The following PRSS12 variants were observed in gnomAD, a reference collection of about 807,000 sequenced individuals.
PRSS12 encodes the protein serine protease 12, also known as neurotrypsin.
A neutral mutation model predicts 104.4 loss-of-function variants in PRSS12; 85 were observed. That is an observed-to-expected ratio of 0.81 (90% CI 0.68 to 0.98). PRSS12 has a LOEUF of 0.98. Among genes scored for constraint, PRSS12 ranks in the 50% least tolerant of loss-of-function variants. The pLI is 0.00. For synonymous variants in PRSS12, 454 were observed against 425.2 expected (o/e 1.07, Z -0.83); for missense variants, 1,141 against 1,139.2 (o/e 1.00, Z -0.02).
chr4:118,346,420 C>G (rs965934774), intron 1 of PRSS12, among the ~76,000 whole-genome samples: 1 of 150,340 alleles, frequency 6.7e-6, no homozygotes, highest in Non-Finnish European at 1.5e-5. Context: ...ATTTCATACC[C>G]TTCTTTCCCC....
At chr4:118,311,674 G>C (rs533365526) in intron 7 of PRSS12, among the ~76,000 whole-genome samples, 1 of 152,118 alleles carries the variant, frequency 6.6e-6, no homozygotes, top group African/African-American at 2.4e-5. Context: ...TAGAACCAAA[G>C]AGATTCATAA....
At chr4:118,300,017 C>T (rs1464985637) in intron 8 of PRSS12, among the ~76,000 whole-genome samples, 3 of 142,804 alleles carry the variant, frequency 2.1e-5, no homozygotes, top group Admixed American at 1.4e-4. Context: ...TATTTATTTA[C>T]TTTTTTTTTT....
intron 7 of PRSS12, among the ~76,000 whole-genome samples, chr4:118,312,461 T>C (rs1743767634): frequency 1.3e-5 from 2 of 151,572 alleles, no homozygotes; most frequent in Admixed American, 1.3e-4. Context: ...TCCCTCTGTA[T>C]TTTTCATTCA....
At chr4:118,314,211 T>C (rs1227996620) in intron 6 of PRSS12, among the ~76,000 whole-genome samples, 1 of 152,138 alleles carries the variant, frequency 6.6e-6, no homozygotes, top group Non-Finnish European at 1.5e-5. Flanking sequence ...GCCTACAAGA[T>C]TCAACTCTTA....
intron 11 of PRSS12, among the ~76,000 whole-genome samples, chr4:118,288,938 C>A (rs1267265791): frequency 6.6e-6 from 1 of 152,116 alleles, no homozygotes; most frequent in African/African-American, 2.4e-5. Flanking sequence ...TAGTGATTTA[C>A]CAACTACTTC....
At chr4:118,337,990 C>T (rs1379106051) in intron 2 of PRSS12, among the ~76,000 whole-genome samples, 186 bp downstream of exon 2, 2 of 152,120 alleles carry the variant, frequency 1.3e-5, no homozygotes, top group Non-Finnish European at 2.9e-5. Flanking sequence ...ATGTGAAGTA[C>T]ATTTGCATGT....
intron 10 of PRSS12, 48 bp from the exon 11 acceptor site, chr4:118,295,109 G>A: frequency 6.2e-7 from 1 of 1,600,290 alleles, no homozygotes; most frequent in Non-Finnish European, 8.5e-7. Flanking sequence ...AGGCAAAAAA[G>A]CAAAGGAAAG....
chr4:118,319,122 T>C (rs972622424), intron 4 of PRSS12, among the ~76,000 whole-genome samples: 1 of 152,176 alleles, frequency 6.6e-6, no homozygotes, highest in East Asian at 1.9e-4. Flanking sequence ...TGGTGTGGCA[T>C]GACCATAGCT....
chr4:118,327,261 T>C (rs2126038989), intron 4 of PRSS12, among the ~76,000 whole-genome samples: 1 of 152,090 alleles, frequency 6.6e-6, no homozygotes, highest in African/African-American at 2.4e-5. Context: ...CTAACAATTC[T>C]CCCACCTCAG....
chr4:118,348,326 T>TA (rs1378050720), intron 1 of PRSS12, among the ~76,000 whole-genome samples: 1 of 152,216 alleles, frequency 6.6e-6, no homozygotes, highest in Non-Finnish European at 1.5e-5. Context: ...TGGCATGCCT[T>TA]ACACCTGCTC....
intron 1 of PRSS12, among the ~76,000 whole-genome samples, chr4:118,342,197 T>C (rs1724232291): frequency 6.6e-6 from 1 of 152,198 alleles, no homozygotes. Context: ...AAAATAACCT[T>C]AGCTCAAAGA....
chr4:118,288,238 T>A (rs1743053741), intron 11 of PRSS12, among the ~76,000 whole-genome samples: 1 of 152,178 alleles, frequency 6.6e-6, no homozygotes, highest in Non-Finnish European at 1.5e-5. Flanking sequence ...TTCCAATTGC[T>A]TACAGAGAAG....
At chr4:118,288,909 A>C (rs1240700105) in intron 11 of PRSS12, among the ~76,000 whole-genome samples, 2 of 152,226 alleles carry the variant, frequency 1.3e-5, no homozygotes, top group Non-Finnish European at 2.9e-5. Flanking sequence ...AAAATGTGAA[A>C]AATGAGATAG....
intron 8 of PRSS12, among the ~76,000 whole-genome samples, chr4:118,304,161 T>G (rs1173296903): frequency 6.6e-6 from 1 of 151,908 alleles, no homozygotes; most frequent in Non-Finnish European, 1.5e-5. Context: ...TGCATACATG[T>G]GTATATGTAT....
rs1022843048 is a variant in PRSS12, at chr4:118,283,172, A to C, written c.2040-61T>G. ...CAGATACTGAAAATTATTGTCAAGA[A>C]GGAAGACTAATGAAGATACAAGCCT... On this transcript the variant is annotated intron_variant, in intron 11 of 12. Transcript: ENST00000296498. 76 of 1,575,970 alleles carry C rather than the reference A, an allele frequency of 4.8e-5. No homozygotes were observed. In the Middle Eastern group the frequency reaches 8.7e-4, roughly 18 times the overall value.
intron 1 of PRSS12, among the ~76,000 whole-genome samples, chr4:118,344,459 T>C (rs788669): frequency 0.83 from 126,038 of 151,972 alleles, 54,635 homozygotes; most frequent in Non-Finnish European, 0.95. Flanking sequence ...TATATTTACC[T>C]GTTAATTAAA....
At position 118,300,891 on chromosome 4, in the gene PRSS12, A is replaced by G. The variant is rs549263076; in HGVS notation, c.1632-1953T>C. 5.3e-5 allele frequency among the ~76,000 whole-genome samples: 8 copies of G among 152,262 alleles called. No homozygotes were observed. The South Asian group carries it at 1.7e-3, about 32-fold the overall frequency. ...ATAGTTCTCCATCAAACTTTGGCAA[A>G]GAAAACTAAGTTATTTCTTCATTGT... is the stretch of plus-strand genomic sequence containing the variant. On this transcript the variant is annotated intron_variant, in intron 8 of 12. Transcript: ENST00000296498.
intron 1 of PRSS12, among the ~76,000 whole-genome samples, chr4:118,349,163 T>A (rs1005653881): frequency 7.2e-5 from 11 of 152,186 alleles, no homozygotes; most frequent in African/African-American, 2.7e-4. Flanking sequence ...ATGAAATATG[T>A]GACTCTGGCC....
Position 118,352,490 on chromosome 4 carries a change from C to CG in PRSS12, c.230dup (p.His78AlafsTer101). On this transcript the variant is annotated frameshift_variant, in exon 1 of 13. Coordinates refer to ENST00000296498, the MANE Select transcript of PRSS12 (RefSeq NM_003619.4). LOFTEE classifies it high-confidence loss of function. The stretch of plus-strand genomic sequence containing the variant: ...GCGTGTGCCCGGCCTGGAGGGCGTG[C>CG]GGGCGCTGGGCAGGGAGCGCCCGCG... 1.5e-6 allele frequency: 2 copies of CG among 1,376,312 alleles called. No individual in the cohort carries two copies. The highest frequency in any genetic ancestry group is 1.9e-6 in the Non-Finnish European group (2 of 1,070,852). The allele number at this position is 1,376,312 out of a possible 1,614,324, so 85.3% of individuals were successfully genotyped here.
Sources: gnomAD v4.1 joint callset for allele counts (sites outside exome capture counted in the v4.1 genomes callset) on GRCh38, gnomAD v4.1.1 for gene constraint, MANE v1.5 for transcripts, NCBI Gene and HGNC (gene_info 2026-07-23, HGNC 2026-07-21) for gene names.